Variants in CNTN1 observed in about 807,000 individuals in gnomAD.
CNTN1 encodes the protein contactin-1.
Under a neutral mutation model 126.4 loss-of-function variants are expected in CNTN1, and 38 were observed. That is an observed-to-expected ratio of 0.30 (90% CI 0.23 to 0.39). CNTN1 has a LOEUF of 0.39. Ranked by LOEUF, CNTN1 falls within the 10% of genes least tolerant of loss-of-function variation. The pLI is 1.00. For missense variants in CNTN1, 1,009 were observed against 1,248.4 expected, an observed-to-expected ratio of 0.81 and a Z score of 2.89; for synonymous variants, 413 against 422.6, an observed-to-expected ratio of 0.98 and a Z score of 0.28.
At chr12:40,959,432 T>G (rs1947026017) in intron 15 of CNTN1, among the ~76,000 whole-genome samples, 198 bp downstream of exon 15, 1 of 152,124 alleles carries the variant, frequency 6.6e-6, no homozygotes, top group Non-Finnish European at 1.5e-5. Context: ...TGATTTTGTT[T>G]GTTTTACTAA....
At chr12:40,790,563 T>G (rs868215495) in intron 1 of CNTN1, among the ~76,000 whole-genome samples, 1 of 152,114 alleles carries the variant, frequency 6.6e-6, no homozygotes, top group Non-Finnish European at 1.5e-5. Context: ...CCTCCTTGCC[T>G]TCTCACTGCT....
intron 14 of CNTN1, among the ~76,000 whole-genome samples, chr12:40,956,973 T>A (rs10879421): frequency 0.46 from 70,444 of 151,576 alleles, 16,372 homozygotes; most frequent in Admixed American, 0.5. Context: ...AATTCAAGAA[T>A]TTATGATGAG....
intron 1 of CNTN1, among the ~76,000 whole-genome samples, chr12:40,725,206 A>G (rs1266089685): frequency 6.6e-6 from 1 of 152,056 alleles, no homozygotes; most frequent in Non-Finnish European, 1.5e-5. Context: ...GTTCGAGACC[A>G]GCCTGACCAA....
chr12:40,704,719 A>T (rs533618431), intron 1 of CNTN1, among the ~76,000 whole-genome samples: 33 of 152,300 alleles, frequency 2.2e-4, no homozygotes, highest in Non-Finnish European at 4.3e-4. Flanking sequence ...CTAAATCACT[A>T]AGGAAAAGAT....
intron 1 of CNTN1, among the ~76,000 whole-genome samples, chr12:40,790,074 T>C (rs372375813): frequency 2.6e-5 from 4 of 152,148 alleles, no homozygotes; most frequent in African/African-American, 9.6e-5. Context: ...CTAGTGTTAA[T>C]AGCATGCACT....
At chr12:40,709,404 C>T (rs1043208409) in intron 1 of CNTN1, among the ~76,000 whole-genome samples, 8 of 152,106 alleles carry the variant, frequency 5.3e-5, no homozygotes, top group African/African-American at 9.7e-5. Context: ...GTAGAGTTAG[C>T]GTAATTCTTA....
At chr12:40,904,150 C>T (rs940819100) in intron 1 of CNTN1, among the ~76,000 whole-genome samples, 2 of 152,086 alleles carry the variant, frequency 1.3e-5, no homozygotes, top group African/African-American at 2.4e-5. Context: ...TCCCGAGTAG[C>T]TGGGACTACA....
chr12:41,000,622 A>C (rs1168158398), intron 17 of CNTN1, among the ~76,000 whole-genome samples: 1 of 112,782 alleles, frequency 8.9e-6, no homozygotes, highest in Non-Finnish European at 1.8e-5. Context: ...CAAAATAATC[A>C]TATAGTTTTA....
At chr12:40,717,273 T>C (rs1391367011) in intron 1 of CNTN1, among the ~76,000 whole-genome samples, 1 of 152,184 alleles carries the variant, frequency 6.6e-6, no homozygotes, top group African/African-American at 2.4e-5. Context: ...GTATAGAAGC[T>C]GTTGTTTTAC....
chr12:41,039,512 C>G (rs894132119), intron 23 of CNTN1, among the ~76,000 whole-genome samples: 9 of 152,072 alleles, frequency 5.9e-5, no homozygotes, highest in African/African-American at 2.2e-4. Flanking sequence ...ACTGAAAATA[C>G]ATGAAGAAAA....
At chr12:40,826,580 C>G (rs552438240) in intron 1 of CNTN1, among the ~76,000 whole-genome samples, 41 of 152,282 alleles carry the variant, frequency 2.7e-4, no homozygotes, top group African/African-American at 9.6e-4. Flanking sequence ...TATGGCTCAG[C>G]AGGGATTATA....
intron 15 of CNTN1, among the ~76,000 whole-genome samples, chr12:40,976,925 C>A (rs1328445477): frequency 6.6e-6 from 1 of 152,174 alleles, no homozygotes; most frequent in Non-Finnish European, 1.5e-5. Flanking sequence ...AAACATTTTA[C>A]TTTCTATGTT....
chr12:41,031,013 C>T (rs905876165), intron 23 of CNTN1, among the ~76,000 whole-genome samples: 1 of 152,070 alleles, frequency 6.6e-6, no homozygotes, highest in Non-Finnish European at 1.5e-5. Flanking sequence ...TGCTCTTGAA[C>T]CCTGGGCCTT....
At chr12:41,024,792 A>T (rs561150389) in intron 20 of CNTN1, among the ~76,000 whole-genome samples, 2 of 152,346 alleles carry the variant, frequency 1.3e-5, no homozygotes, top group South Asian at 4.1e-4. Flanking sequence ...CAGGAAATAA[A>T]TGATAAAAAT....
chr12:40,977,938 G>C lies in CNTN1; in HGVS notation c.1805-2971G>C, dbSNP rs148960981. Among the ~76,000 whole-genome samples the C allele has an allele frequency of 2.0e-3, 307 of 152,136 alleles. 1 individual carries two copies. The highest frequency in any genetic ancestry group is 3.4e-3 in the Non-Finnish European group (234 of 67,990). ...CTGTCTCAGCCTCCTGAATAGCTGG[G>C]ATTATTAGGTGTGTACTGCCATGCC... is the stretch of plus-strand genomic sequence containing the variant. On this transcript the variant is annotated intron_variant, in intron 15 of 23. Transcript: ENST00000551295.
chr12:40,844,564 G>C (rs1190575365), intron 1 of CNTN1, among the ~76,000 whole-genome samples: 2 of 152,100 alleles, frequency 1.3e-5, no homozygotes, highest in Non-Finnish European at 2.9e-5. Flanking sequence ...TAATCTAAGA[G>C]TGATATTATT....
At chr12:40,859,401 C>A (rs965955823) in intron 1 of CNTN1, among the ~76,000 whole-genome samples, 2 of 151,978 alleles carry the variant, frequency 1.3e-5, no homozygotes, top group African/African-American at 4.8e-5. Context: ...AAGATAATAG[C>A]GGAAACTGTG....
intron 16 of CNTN1, among the ~76,000 whole-genome samples, chr12:40,987,969 T>G (rs10219754): frequency 0.12 from 17,652 of 151,830 alleles, 1,062 homozygotes; most frequent in Non-Finnish European, 0.12. Context: ...TTCTTCAGTT[T>G]TTGTAGTTCT....
intron 1 of CNTN1, among the ~76,000 whole-genome samples, chr12:40,771,747 T>A (rs982235927): frequency 3.9e-5 from 6 of 151,992 alleles, no homozygotes; most frequent in Admixed American, 1.3e-4. Flanking sequence ...GGGTGGTGTA[T>A]TTATGAGGTG....
Sources: allele counts gnomAD v4.1 joint callset (sites outside exome capture counted in the v4.1 genomes callset), GRCh38; gene constraint gnomAD v4.1.1; transcripts MANE v1.5; gene names NCBI Gene and HGNC (gene_info 2026-07-23, HGNC 2026-07-21).